Variants in ANO2 observed in about 807,000 individuals in gnomAD.
The protein encoded by ANO2 is anoctamin-2.
A neutral mutation model predicts 124.2 loss-of-function variants in ANO2; 101 were observed. That is an observed-to-expected ratio of 0.81 (90% CI 0.69 to 0.96). The LOEUF is 0.96. Among genes scored for constraint, ANO2 ranks in the 40% least tolerant of loss-of-function variants. ANO2 has a pLI of 0.00. For missense variants in ANO2, 1,293 were observed against 1,274.5 expected (o/e 1.01, Z -0.22); for synonymous variants, 486 against 482.5 (o/e 1.01, Z -0.09).
intron 12 of ANO2, among the ~76,000 whole-genome samples, chr12:5,743,279 C>T (rs1394813860): frequency 6.6e-6 from 1 of 152,128 alleles, no homozygotes; most frequent in East Asian, 1.9e-4. Flanking sequence ...GACTGTGGTC[C>T]TGCTGGTCTG....
chr12:5,579,441 A>G (rs749572794), intron 20 of ANO2, among the ~76,000 whole-genome samples: 1 of 152,184 alleles, frequency 6.6e-6, no homozygotes, highest in Non-Finnish European at 1.5e-5. Flanking sequence ...GGATTAAGTC[A>G]AAGAGACCTT....
intron 10 of ANO2, among the ~76,000 whole-genome samples, chr12:5,764,435 T>C (rs1951821755): frequency 6.6e-6 from 1 of 152,214 alleles, no homozygotes; most frequent in Non-Finnish European, 1.5e-5. Context: ...AAATTACAGA[T>C]GAGGAAACTG....
At chr12:5,927,885 C>G (rs1039466877) in intron 1 of ANO2, among the ~76,000 whole-genome samples, 4 of 152,062 alleles carry the variant, frequency 2.6e-5, no homozygotes, top group African/African-American at 9.7e-5. Flanking sequence ...CTGCATAGGC[C>G]GAGAGCTAGA....
intron 14 of ANO2, among the ~76,000 whole-genome samples, chr12:5,697,811 C>T (rs1271769488): frequency 1.3e-5 from 2 of 152,240 alleles, no homozygotes; most frequent in Non-Finnish European, 2.9e-5. Context: ...AGATTATATC[C>T]CGCACCTGGC....
chr12:5,709,438 G>A (rs1313627253), intron 14 of ANO2, among the ~76,000 whole-genome samples: 1 of 152,126 alleles, frequency 6.6e-6, no homozygotes, highest in Non-Finnish European at 1.5e-5. Flanking sequence ...TCTCCTCAGT[G>A]TATTTTTTCC....
Position 5,945,226 on chromosome 12 carries a change from C to T in ANO2, c.-9G>A, listed in dbSNP as rs934633376. 5 of 1,287,400 alleles carry T rather than the reference C, an allele frequency of 3.9e-6. No individual in the cohort carries two copies. Among genetic ancestry groups the T allele is most frequent in the Non-Finnish European group, 5.1e-6 (5 of 987,574 alleles). 79.7% of individuals were successfully genotyped at this position (1,287,400 alleles called of 1,614,324 possible). Reference sequence around the variant, plus strand: ...GGCCCGGGAGTCGCCATGATGTGGACGCAGACCCCGCCGGCCCGCGGCCGC... The same window carrying T: ...GGCCCGGGAGTCGCCATGATGTGGATGCAGACCCCGCCGGCCCGCGGCCGC... On this transcript the variant is annotated 5_prime_UTR_variant, in exon 1 of 25. Transcript: ENST00000682330.
At chr12:5,818,452 TATATATATATA>T (rs1953680080) in intron 7 of ANO2, among the ~76,000 whole-genome samples, 1 of 1,910 alleles carries the variant, frequency 5.2e-4, no homozygotes, top group Non-Finnish European at 3.6e-3. Context: ...TCATATTATA[TATATATATATA>T]TATATATATA....
At chr12:5,624,262 A>AACAG (rs372900392) in intron 16 of ANO2, among the ~76,000 whole-genome samples, 121 of 149,856 alleles carry the variant, frequency 8.1e-4, no homozygotes, top group African/African-American at 2.5e-3. Flanking sequence ...GAGAGAGAGA[A>AACAG]ACAGACAGAC....
At chr12:5,788,050 G>C (rs927448916) in intron 10 of ANO2, among the ~76,000 whole-genome samples, 6 of 152,212 alleles carry the variant, frequency 3.9e-5, no homozygotes, top group African/African-American at 1.4e-4. Context: ...TGGAATGCTA[G>C]CAAATGTGAT....
chr12:5,923,098 A>G (rs1469940789), intron 1 of ANO2, among the ~76,000 whole-genome samples: 2 of 66,736 alleles, frequency 3.0e-5, no homozygotes, highest in Admixed American at 2.0e-4. Context: ...ACACACGCAC[A>G]CACATACACA....
chr12:5,796,400 GCA>G (rs538831811), intron 10 of ANO2, among the ~76,000 whole-genome samples: 9 of 147,624 alleles, frequency 6.1e-5, no homozygotes, highest in East Asian at 4.0e-4. Context: ...ATATTCTCTG[GCA>G]CACACACACA....
At chr12:5,869,978 G>C (rs1955527632) in intron 3 of ANO2, among the ~76,000 whole-genome samples, 1 of 152,134 alleles carries the variant, frequency 6.6e-6, no homozygotes, top group South Asian at 2.1e-4. Context: ...AAGAAAGGCA[G>C]GAGCCCTCCC....
At chr12:5,582,378 A>G (rs1294040305) in intron 20 of ANO2, among the ~76,000 whole-genome samples, 3 of 152,206 alleles carry the variant, frequency 2.0e-5, no homozygotes, top group Non-Finnish European at 4.4e-5. Flanking sequence ...TAGAATAACC[A>G]TCAGCCCTAC....
At chr12:5,784,564 T>C (rs1014989353) in intron 10 of ANO2, among the ~76,000 whole-genome samples, 11 of 152,218 alleles carry the variant, frequency 7.2e-5, no homozygotes, top group Middle Eastern at 3.2e-3. Flanking sequence ...CATCAGAGCA[T>C]CCTGAGCTCA....
Position 5,922,808 on chromosome 12 carries a change from T to G in ANO2, c.23-4A>C. Reference sequence around the variant, plus strand: ...GAGCCAGGGAGCAGGGGTATATCTGTGAGAGGGAAAGACAAGGGAGGCAAA... The same window carrying G: ...GAGCCAGGGAGCAGGGGTATATCTGGGAGAGGGAAAGACAAGGGAGGCAAA... On this transcript the variant is annotated splice_region_variant and splice_polypyrimidine_tract_variant and intron_variant, in intron 1 of 24. Transcript: ENST00000682330. 1 of 1,485,008 alleles carries G rather than the reference T, an allele frequency of 6.7e-7. No homozygotes were observed. Among genetic ancestry groups the G allele is most frequent in the Middle Eastern group, 1.8e-4 (1 of 5,524 alleles). 92.0% of individuals were successfully genotyped at this position (1,485,008 alleles called of 1,614,324 possible). A position where few individuals can be genotyped will look rare whatever the true frequency, so the allele number is the denominator to read the frequency against.
intron 11 of ANO2, among the ~76,000 whole-genome samples, chr12:5,747,234 C>A (rs12818824): frequency 0.046 from 7,068 of 152,308 alleles, 240 homozygotes; most frequent in Non-Finnish European, 0.068. Flanking sequence ...GAGTGAATTT[C>A]AGGCTTGATG....
chr12:5,647,245 T>C (rs1445094241), intron 15 of ANO2, among the ~76,000 whole-genome samples: 1 of 152,204 alleles, frequency 6.6e-6, no homozygotes, highest in Non-Finnish European at 1.5e-5. Flanking sequence ...CCCTGAGCTT[T>C]CCCTGACGCA....
chr12:5,843,774 AG>A (rs1195168166), intron 4 of ANO2, among the ~76,000 whole-genome samples: 3 of 152,206 alleles, frequency 2.0e-5, no homozygotes, highest in Admixed American at 6.5e-5. Flanking sequence ...CGACTCTGCT[AG>A]GGATCACAAC....
intron 1 of ANO2, 51 bp downstream of exon 1, chr12:5,945,145 C>T: frequency 7.8e-7 from 1 of 1,276,130 alleles, no homozygotes; most frequent in Admixed American, 2.3e-5. Context: ...TTCACTCCCT[C>T]CCTCCTACCA....
Sources: gnomAD v4.1 joint callset for allele counts (sites outside exome capture counted in the v4.1 genomes callset) on GRCh38, gnomAD v4.1.1 for gene constraint, MANE v1.5 for transcripts, NCBI Gene and HGNC (gene_info 2026-07-23, HGNC 2026-07-21) for gene names.